Variants in EHMT1 observed in about 807,000 individuals in gnomAD.
EHMT1 encodes histone-lysine N-methyltransferase EHMT1.
A neutral mutation model predicts 147.2 loss-of-function variants in EHMT1; 15 were observed. That is an observed-to-expected ratio of 0.10 (90% CI 0.07 to 0.16). EHMT1 has a LOEUF of 0.16. EHMT1 is among the 10% of genes least tolerant of loss of function. The probability of loss-of-function intolerance (pLI) is 1.00; values close to 1 mark genes in which losing one functional copy is unlikely to be tolerated. For missense variants in EHMT1, 1,587 were observed against 1,772.4 expected, an observed-to-expected ratio of 0.90 and a Z score of 1.88; for synonymous variants, 795 against 709.6, an observed-to-expected ratio of 1.12 and a Z score of -1.91.
At chr9:137,645,487 T>TA (rs1844817661) in intron 1 of EHMT1, among the ~76,000 whole-genome samples, 1 of 152,242 alleles carries the variant, frequency 6.6e-6, no homozygotes, top group South Asian at 2.1e-4. Flanking sequence ...GCCTTGTACT[T>TA]ACAGAAGCCC....
chr9:137,619,880 G>A (rs1269268630), intron 1 of EHMT1, among the ~76,000 whole-genome samples: 2 of 152,062 alleles, frequency 1.3e-5, no homozygotes, highest in Non-Finnish European at 2.9e-5. Context: ...TGTCCGTGGA[G>A]ATGCAGAAAT....
At chr9:137,635,644 C>T (rs146609077) in intron 1 of EHMT1, among the ~76,000 whole-genome samples, 2 of 151,350 alleles carry the variant, frequency 1.3e-5, no homozygotes, top group East Asian at 2.1e-4. Flanking sequence ...CATGGTGAAA[C>T]CCCGTCTCTA....
intron 1 of EHMT1, among the ~76,000 whole-genome samples, chr9:137,688,444 G>C (rs1361828372): frequency 6.6e-6 from 1 of 152,140 alleles, no homozygotes; most frequent in Non-Finnish European, 1.5e-5. Context: ...CCCACACTGG[G>C]CCGTGGCCGG....
intron 16 of EHMT1, among the ~76,000 whole-genome samples, chr9:137,792,514 G>T (rs1472924961): frequency 1.3e-5 from 2 of 152,178 alleles, no homozygotes; most frequent in African/African-American, 4.8e-5. Flanking sequence ...AGACCAGTCT[G>T]TCCAACATGG....
At chr9:137,720,990 C>T (rs147874222) in intron 3 of EHMT1, among the ~76,000 whole-genome samples, 1,732 of 152,144 alleles carry the variant, frequency 0.011, 16 homozygotes, top group Middle Eastern at 0.041. Context: ...GTTGCAGTGG[C>T]CGCCTTTCTC....
intron 1 of EHMT1, among the ~76,000 whole-genome samples, chr9:137,642,119 T>C (rs912285124): frequency 6.6e-6 from 1 of 152,072 alleles, no homozygotes; most frequent in Admixed American, 6.6e-5. Flanking sequence ...GGATTACAGG[T>C]GTGAGCCACT....
intron 1 of EHMT1, among the ~76,000 whole-genome samples, chr9:137,687,710 C>T (rs988750350): frequency 3.3e-5 from 5 of 152,164 alleles, no homozygotes; most frequent in Admixed American, 1.3e-4. Flanking sequence ...GCCATGAGCC[C>T]GGAAATGAGA....
At chr9:137,757,814 T>C in intron 8 of EHMT1, 66 bp from the exon 9 acceptor site, 1 of 1,608,850 alleles carries the variant, frequency 6.2e-7, no homozygotes, top group Non-Finnish European at 8.5e-7. Context: ...CTTGCTGCCC[T>C]GTGCGTCTGG....
At chr9:137,702,138 C>A (rs1943892291) in intron 1 of EHMT1, among the ~76,000 whole-genome samples, 1 of 152,078 alleles carries the variant, frequency 6.6e-6, no homozygotes, top group South Asian at 2.1e-4. Flanking sequence ...CCATGTTGGT[C>A]AGGCTGGTCT....
rs1179135933 is a variant in EHMT1, at chr9:137,816,798, A to G, written c.3375-641A>G. On this transcript the variant is annotated intron_variant, in intron 23 of 26. Coordinates refer to ENST00000460843, the MANE Select transcript of EHMT1 (RefSeq NM_024757.5). ...AGTCTCTGTCCTTGGTATGGTAGAA[A>G]GGCCTGGTGGTGAGGACCCACGCCA... 3.6e-5 allele frequency: 6 copies of G among 168,428 alleles called. No individual in the cohort carries two copies. In the South Asian group the frequency reaches 7.4e-4, roughly 21 times the overall value. 10.4% of individuals were successfully genotyped at this position (168,428 alleles called of 1,614,324 possible). A position where few individuals can be genotyped will look rare whatever the true frequency, so the allele number is the denominator to read the frequency against.
At chr9:137,696,623 G>A (rs1038439463) in intron 1 of EHMT1, among the ~76,000 whole-genome samples, 2 of 152,148 alleles carry the variant, frequency 1.3e-5, no homozygotes, top group Admixed American at 6.5e-5. Flanking sequence ...CCTTCTAATA[G>A]TCTCCCCCAG....
intron 3 of EHMT1, among the ~76,000 whole-genome samples, chr9:137,724,833 TTGTGGCATTCGTGTGGCAGACG>T (rs1218062827): frequency 6.8e-5 from 10 of 147,486 alleles, no homozygotes; most frequent in African/African-American, 1.6e-4. Context: ...TGTGGTAGAC[TTGTGGCATTCGTGTGGCAGACG>T]TGTGGCATTC....
intron 9 of EHMT1, among the ~76,000 whole-genome samples, chr9:137,762,145 C>T (rs1949875385): frequency 6.6e-6 from 1 of 152,218 alleles, no homozygotes; most frequent in African/African-American, 2.4e-5. Context: ...GTTTATCTTT[C>T]CTTGTTTTTC....
intron 1 of EHMT1, among the ~76,000 whole-genome samples, chr9:137,651,304 G>A (rs552626578): frequency 6.6e-6 from 1 of 152,142 alleles, no homozygotes; most frequent in South Asian, 2.1e-4. Flanking sequence ...TGTGCCTTTT[G>A]TGTCCTATTT....
At chr9:137,810,294 A>ATGGGTCC (rs1954356593) in intron 18 of EHMT1, among the ~76,000 whole-genome samples, 2 of 135,390 alleles carry the variant, frequency 1.5e-5, no homozygotes, top group Admixed American at 7.2e-5. Flanking sequence ...CCTGCGTGAA[A>ATGGGTCC]GGCGCTCCTC....
At chr9:137,713,808 G>A (rs189276229) in intron 2 of EHMT1, among the ~76,000 whole-genome samples, 2 of 151,872 alleles carry the variant, frequency 1.3e-5, no homozygotes, top group African/African-American at 4.8e-5. Flanking sequence ...AAATTAGCGG[G>A]ATGTGGTGGC....
At chr9:137,783,104 T>C (rs144489768) in intron 15 of EHMT1, among the ~76,000 whole-genome samples, 199 of 152,348 alleles carry the variant, frequency 1.3e-3, no homozygotes, top group Middle Eastern at 0.01. Flanking sequence ...TTGTACCTCA[T>C]TGTAATGTGG....
chr9:137,780,277 G>A (rs1951303126), intron 14 of EHMT1, among the ~76,000 whole-genome samples: 1 of 146,216 alleles, frequency 6.8e-6, no homozygotes, highest in South Asian at 2.3e-4. Flanking sequence ...TGGTGATGAT[G>A]CTGGGATGTG....
At chr9:137,737,456 A>G (rs909324999) in intron 4 of EHMT1, among the ~76,000 whole-genome samples, 2 of 152,230 alleles carry the variant, frequency 1.3e-5, no homozygotes, top group Non-Finnish European at 2.9e-5. Flanking sequence ...GGATATCCAC[A>G]TGCAGAAGAG....
Sources: allele counts gnomAD v4.1 joint callset (sites outside exome capture counted in the v4.1 genomes callset), GRCh38; gene constraint gnomAD v4.1.1; transcripts MANE v1.5; gene names NCBI Gene and HGNC (gene_info 2026-07-23, HGNC 2026-07-21).